The following LRMDA variants were observed in gnomAD, a reference collection of about 807,000 sequenced individuals.
The protein encoded by LRMDA is leucine rich melanocyte differentiation associated.
Under a neutral mutation model 29.8 loss-of-function variants are expected in LRMDA, and 18 were observed. That is an observed-to-expected ratio of 0.60 (90% CI 0.42 to 0.90). The LOEUF is 0.90. Among genes scored for constraint, LRMDA ranks in the 40% least tolerant of loss-of-function variants. LRMDA has a pLI of 0.00. For missense variants in LRMDA, 273 were observed against 273.9 expected (o/e 1.00, Z 0.02); for synonymous variants, 125 against 109.4 (o/e 1.14, Z -0.89).
intron 6 of LRMDA, among the ~76,000 whole-genome samples, chr10:76,396,067 A>G (rs1036224901): frequency 6.6e-6 from 1 of 152,182 alleles, no homozygotes; most frequent in African/African-American, 2.4e-5. Context: ...GCATCCTACC[A>G]TGGGCTGTGG....
chr10:76,043,390 G>A (rs988498128), intron 3 of LRMDA, among the ~76,000 whole-genome samples: 31 of 152,158 alleles, frequency 2.0e-4, no homozygotes, highest in African/African-American at 7.5e-4. Flanking sequence ...TTCCCCCACT[G>A]AATCATAATT....
At chr10:76,097,946 TCA>T (rs1262358451) in intron 5 of LRMDA, among the ~76,000 whole-genome samples, 7 of 152,206 alleles carry the variant, frequency 4.6e-5, no homozygotes, top group African/African-American at 1.7e-4. Context: ...ATCTATTATC[TCA>T]CATATTTATC....
chr10:75,702,905 G>A (rs1207031030), intron 2 of LRMDA, among the ~76,000 whole-genome samples: 1 of 152,154 alleles, frequency 6.6e-6, no homozygotes, highest in African/African-American at 2.4e-5. Flanking sequence ...GCACAGAAAT[G>A]GGTCTCAGGA....
chr10:75,641,405 A>G (rs1042734682), intron 2 of LRMDA, among the ~76,000 whole-genome samples: 3 of 92,342 alleles, frequency 3.2e-5, no homozygotes, highest in African/African-American at 7.8e-5. Context: ...ATATGTTAAT[A>G]TATAATATAT....
At chr10:75,488,405 G>A (rs964611294) in intron 2 of LRMDA, among the ~76,000 whole-genome samples, 1 of 152,184 alleles carries the variant, frequency 6.6e-6, no homozygotes, top group Non-Finnish European at 1.5e-5. Context: ...TAGGTATGAA[G>A]GCTTGATAAA....
intron 2 of LRMDA, among the ~76,000 whole-genome samples, chr10:76,003,421 T>G (rs945715202): frequency 6.6e-6 from 1 of 152,174 alleles, no homozygotes. Flanking sequence ...AAGTGAGTGC[T>G]CAGTGTGTAT....
chr10:75,811,238 G>T (rs1317554511), intron 2 of LRMDA, among the ~76,000 whole-genome samples: 2 of 152,164 alleles, frequency 1.3e-5, no homozygotes, highest in Non-Finnish European at 2.9e-5. Flanking sequence ...TGCCTGTCTG[G>T]TTATTCTCAT....
At position 75,691,201 on chromosome 10, in the gene LRMDA, CACACACACATATATATAT is replaced by C. The variant is rs1375022212; in HGVS notation, c.131+252713_131+252730del. 3.0e-4 allele frequency among the ~76,000 whole-genome samples: 40 copies of C among 131,798 alleles called. No homozygotes were observed. The East Asian group carries it at 5.0e-3, about 16-fold the overall frequency. The allele number at this position is 131,798 out of a possible 152,430, so 86.5% of individuals were successfully genotyped here. A position where few individuals can be genotyped will look rare whatever the true frequency, so the allele number is the denominator to read the frequency against. On this transcript the variant is annotated intron_variant, in intron 2 of 6. Transcript: ENST00000611255. ...ATCTATGTACATAGATATATATACACACACACACATATATATATACACATATATGTGTGTGTGTGTGTA... is the reference window on the plus strand; with the variant it reads ...ATCTATGTACATAGATATATATACACACACATATATGTGTGTGTGTGTGTA...
chr10:76,226,531 C>T (rs112119615), intron 5 of LRMDA, among the ~76,000 whole-genome samples: 2,460 of 152,152 alleles, frequency 0.016, 32 homozygotes, highest in South Asian at 0.07. Flanking sequence ...TGCAGTGACC[C>T]GAGATCACGC....
intron 2 of LRMDA, among the ~76,000 whole-genome samples, chr10:75,705,572 G>A (rs1422527122): frequency 6.6e-6 from 1 of 152,208 alleles, no homozygotes; most frequent in Non-Finnish European, 1.5e-5. Context: ...AGAAGTGGGA[G>A]AGTTACCTGG....
At chr10:76,277,942 A>C (rs796606329) in intron 5 of LRMDA, among the ~76,000 whole-genome samples, 34 of 152,314 alleles carry the variant, frequency 2.2e-4, no homozygotes, top group African/African-American at 7.0e-4. Flanking sequence ...TCACTGGGTC[A>C]TCATGGAATT....
At chr10:75,901,156 T>C (rs184407391) in intron 2 of LRMDA, among the ~76,000 whole-genome samples, 1 of 152,228 alleles carries the variant, frequency 6.6e-6, no homozygotes, top group Non-Finnish European at 1.5e-5. Flanking sequence ...TCTATCTCTG[T>C]GTGAGTCACC....
chr10:76,020,623 CA>C (rs1185488394), intron 2 of LRMDA, among the ~76,000 whole-genome samples: 6 of 152,154 alleles, frequency 3.9e-5, no homozygotes, highest in Non-Finnish European at 8.8e-5. Context: ...GCTGCCTGCT[CA>C]GGGGGCCCTG....
intron 5 of LRMDA, among the ~76,000 whole-genome samples, chr10:76,307,642 T>G (rs1050292073): frequency 6.6e-6 from 1 of 152,162 alleles, no homozygotes; most frequent in African/African-American, 2.4e-5. Flanking sequence ...GGAGATTCTT[T>G]CCAGGATAGG....
Position 76,269,028 on chromosome 10 carries a change from T to C in LRMDA, c.517-55373T>C, listed in dbSNP as rs547226381. Among the ~76,000 whole-genome samples the C allele has an allele frequency of 5.9e-5, 9 of 152,292 alleles. No homozygotes were observed. The South Asian group carries it at 1.0e-3, about 18-fold the overall frequency. ...GGAATATAAATGACTAATGGAACAC[T>C]GGGCCACCGAATATTTATATATCTA... On this transcript the variant is annotated intron_variant, in intron 5 of 6. Coordinates refer to ENST00000611255, the MANE Select transcript of LRMDA (RefSeq NM_001305581.2).
At chr10:76,282,646 A>T (rs926396196) in intron 5 of LRMDA, among the ~76,000 whole-genome samples, 8 of 152,322 alleles carry the variant, frequency 5.3e-5, no homozygotes, top group African/African-American at 1.9e-4. Flanking sequence ...TATATCTGCA[A>T]GCGTGCTCAG....
At chr10:76,532,977 G>T (rs1843250785) in intron 6 of LRMDA, among the ~76,000 whole-genome samples, 1 of 151,956 alleles carries the variant, frequency 6.6e-6, no homozygotes, top group Admixed American at 6.6e-5. Context: ...TGGCTTCCTG[G>T]TGATTCTCAG....
At chr10:75,599,135 C>T (rs1037614740) in intron 2 of LRMDA, among the ~76,000 whole-genome samples, 2 of 148,144 alleles carry the variant, frequency 1.4e-5, no homozygotes, top group Admixed American at 6.6e-5. Context: ...TAGCCATTAC[C>T]GGCTGGCGTT....
At chr10:75,727,824 G>A (rs924858655) in intron 2 of LRMDA, among the ~76,000 whole-genome samples, 4 of 152,136 alleles carry the variant, frequency 2.6e-5, no homozygotes, top group African/African-American at 4.8e-5. Context: ...CACTAAAAAT[G>A]CTAATATCTG....
Sources: gnomAD v4.1 joint callset for allele counts (sites outside exome capture counted in the v4.1 genomes callset) on GRCh38, gnomAD v4.1.1 for gene constraint, MANE v1.5 for transcripts, NCBI Gene and HGNC (gene_info 2026-07-23, HGNC 2026-07-21) for gene names.